ARFGEF1: variants seen among roughly 807,000 people sequenced by gnomAD.
ARFGEF1 encodes the protein ARF guanine nucleotide exchange factor 1.
A neutral mutation model predicts 231.0 loss-of-function variants in ARFGEF1; 42 were observed. The ratio of observed to expected loss-of-function variants is 0.18; its 90% CI spans 0.14 to 0.24. The LOEUF (loss-of-function observed/expected upper bound fraction) is 0.24, where lower values mean the gene tolerates loss of function less well. Ranked by LOEUF, ARFGEF1 falls within the 10% of genes least tolerant of loss-of-function variation. The probability of loss-of-function intolerance (pLI) is 1.00; values close to 1 mark genes in which losing one functional copy is unlikely to be tolerated. For missense variants in ARFGEF1, 1,345 were observed against 2,192.0 expected (o/e 0.61, Z 7.72); for synonymous variants, 710 against 732.3 (o/e 0.97, Z 0.49).
At chr8:67,178,067 C>T (rs1294096043) in intron 5 of ARFGEF1, among the ~76,000 whole-genome samples, 2 of 152,184 alleles carry the variant, frequency 1.3e-5, no homozygotes, top group Non-Finnish European at 1.5e-5. Flanking sequence ...TACTTAGAGA[C>T]AGGCCTGGCA....
downstream of ARFGEF1, among the ~76,000 whole-genome samples, chr8:67,193,236 CTA>C (rs1836911104): frequency 1.3e-5 from 2 of 152,070 alleles, no homozygotes; most frequent in East Asian, 3.9e-4. Context: ...TAGCCGGGGA[CTA>C]CAGGCGCCTG....
chr8:67,258,818 T>TACACACACACACACACACACAC lies in ARFGEF1; in HGVS notation c.2236-550_2236-529dup, dbSNP rs10576509. 1.4e-3 allele frequency among the ~76,000 whole-genome samples: 207 copies of TACACACACACACACACACACAC among 143,034 alleles called. 2 individuals carry two copies. The highest frequency in any genetic ancestry group is 5.1e-3 in the African/African-American group (196 of 38,306). 93.8% of individuals were successfully genotyped at this position (143,034 alleles called of 152,430 possible). ...TTTAGAAAATTTAAAAAGCAGATTT[T>TACACACACACACACACACACAC]ACACACACACACACACACACACACA... is the stretch of plus-strand genomic sequence containing the variant. On this transcript the variant is annotated intron_variant, in intron 15 of 38. Transcript: ENST00000262215.
chr8:67,248,993 CCCTTA>C, intron 19 of ARFGEF1, among the ~76,000 whole-genome samples: 1 of 150,276 alleles, frequency 6.7e-6, no homozygotes. Context: ...AAGTTTATAT[CCCTTA>C]ATATTATACA....
At chr8:67,343,121 C>T in intron 1 of ARFGEF1, 43 bp downstream of exon 1, 1 of 1,368,118 alleles carries the variant, frequency 7.3e-7, no homozygotes, top group South Asian at 1.3e-5. Flanking sequence ...CCCTCCCCGC[C>T]CCACAACAAG....
intron 1 of ARFGEF1, 62 bp downstream of exon 1, chr8:67,343,102 C>CCG: frequency 8.9e-6 from 5 of 560,604 alleles, no homozygotes; most frequent in Non-Finnish European, 8.1e-6. Flanking sequence ...CACCCCCCCA[C>CCG]AGGCGCCCCC....
chr8:67,184,743 A>ATAT (rs1485317958), intron 5 of ARFGEF1, among the ~76,000 whole-genome samples: 2 of 127,094 alleles, frequency 1.6e-5, no homozygotes, highest in East Asian at 2.1e-4. Flanking sequence ...TAATAAAAAA[A>ATAT]TATAATAATA....
rs1587122757 is a variant in ARFGEF1 at position 67,244,274 on chromosome 8, G to T, written c.2851-3984C>A. Among the ~76,000 whole-genome samples, 2 of 11,706 alleles carry T rather than the reference G, an allele frequency of 1.7e-4. 1 individual carries two copies. Among genetic ancestry groups the T allele is most frequent in the Non-Finnish European group, 2.6e-4 (2 of 7,668 alleles). The allele number at this position is 11,706 out of a possible 152,430, so 7.7% of individuals were successfully genotyped here. A position where few individuals can be genotyped will look rare whatever the true frequency, so the allele number is the denominator to read the frequency against. ...AAAAAAAAAAAAAAAAAAAACATTC[G>T]ACTACTGAGTCTCTCGTCTCTCTCT... On this transcript the variant is annotated intron_variant, in intron 19 of 38. Coordinates refer to ENST00000262215, the MANE Select transcript of ARFGEF1 (RefSeq NM_006421.5).
intron 7 of ARFGEF1, among the ~76,000 whole-genome samples, chr8:67,286,896 C>T (rs1359381898): frequency 6.6e-6 from 1 of 152,120 alleles, no homozygotes; most frequent in Non-Finnish European, 1.5e-5. Context: ...CACAGATGGC[C>T]AACTTGAAGG....
chr8:67,192,873 C>T (rs768032980), downstream of ARFGEF1, among the ~76,000 whole-genome samples: 2 of 152,192 alleles, frequency 1.3e-5, no homozygotes, highest in Non-Finnish European at 2.9e-5. Flanking sequence ...GTCAGTACCA[C>T]ACTGTCTTGA....
At chr8:67,304,335 T>C (rs1337708500) in intron 1 of ARFGEF1, among the ~76,000 whole-genome samples, 1 of 152,262 alleles carries the variant, frequency 6.6e-6, no homozygotes, top group Non-Finnish European at 1.5e-5. Flanking sequence ...TATTTCAGTT[T>C]AGTTTTCTGT....
chr8:67,219,301 C>T, intron 30 of ARFGEF1, 130 bp downstream of exon 30: 1 of 1,080,500 alleles, frequency 9.3e-7, no homozygotes, highest in Non-Finnish European at 1.3e-6. Flanking sequence ...GTATTACATT[C>T]TCATGCCTTA....
At chr8:67,282,720 C>T (rs1805586216) in intron 7 of ARFGEF1, among the ~76,000 whole-genome samples, 2 of 151,656 alleles carry the variant, frequency 1.3e-5, no homozygotes, top group African/African-American at 4.8e-5. Context: ...TGGTGGTGTG[C>T]ACCTGTAATC....
At position 67,228,089 on chromosome 8, in the gene ARFGEF1, T is replaced by C. The variant is rs369152833; in HGVS notation, c.3465A>G (p.Leu1155=). 1.6e-5 allele frequency: 25 copies of C among 1,609,972 alleles called. No individual in the cohort carries two copies. The African/African-American group carries it at 3.2e-4, about 21-fold the overall frequency. The change falls in exon 25 of 39, where the codon TTA becomes TTG. Residue 1155 remains leucine, a synonymous_variant. Coordinates refer to ENST00000262215, the MANE Select transcript of ARFGEF1 (RefSeq NM_006421.5). ...RWLCAVSMDE[L]LSTTHPRMFS... Reference sequence around the variant, plus strand: ...ACATTCTTGGGTGTGTCGTGGAAAGTAATTCATCCATAGACACAGCACAGA... The same window carrying C: ...ACATTCTTGGGTGTGTCGTGGAAAGCAATTCATCCATAGACACAGCACAGA...
At chr8:67,284,425 T>C (rs2128905213) in intron 7 of ARFGEF1, among the ~76,000 whole-genome samples, 1 of 152,320 alleles carries the variant, frequency 6.6e-6, no homozygotes, top group African/African-American at 2.4e-5. Context: ...AAGCCTTTTA[T>C]GTAATTTTGA....
intron 34 of ARFGEF1, 164 bp from the exon 35 acceptor site, chr8:67,204,983 A>T: frequency 1.2e-6 from 1 of 806,008 alleles, no homozygotes; most frequent in Non-Finnish European, 1.9e-6. Context: ...GTAAAAGTTT[A>T]ACTGATATTT....
At chr8:67,223,737 T>C (rs1839280073) in intron 29 of ARFGEF1, among the ~76,000 whole-genome samples, 1 of 152,064 alleles carries the variant, frequency 6.6e-6, no homozygotes, top group Admixed American at 6.6e-5. Flanking sequence ...AACAGACTTC[T>C]ACAAATAAAT....
chr8:67,328,982 C>T (rs1807968505), intron 1 of ARFGEF1, among the ~76,000 whole-genome samples: 1 of 152,138 alleles, frequency 6.6e-6, no homozygotes, highest in South Asian at 2.1e-4. Flanking sequence ...AATCCCTGGA[C>T]TTTGGAAGGT....
chr8:67,182,739 T>C (rs1409878754), intron 5 of ARFGEF1, among the ~76,000 whole-genome samples: 1 of 152,246 alleles, frequency 6.6e-6, no homozygotes, highest in Non-Finnish European at 1.5e-5. Flanking sequence ...ATTAGTGATG[T>C]TGGACATCTT....
At chr8:67,211,043 C>CAA (rs112619283) in intron 34 of ARFGEF1, among the ~76,000 whole-genome samples, 18 of 87,944 alleles carry the variant, frequency 2.0e-4, no homozygotes, top group Admixed American at 2.9e-4. Flanking sequence ...GACTCCGTCT[C>CAA]AAAAAAAAAA....
Sources: gnomAD v4.1 joint callset for allele counts (sites outside exome capture counted in the v4.1 genomes callset) on GRCh38, gnomAD v4.1.1 for gene constraint, MANE v1.5 for transcripts, NCBI Gene and HGNC (gene_info 2026-07-23, HGNC 2026-07-21) for gene names.